Variants in OR2L13 observed in about 807,000 individuals in gnomAD.
OR2L13 encodes the protein olfactory receptor 2L13.
In OR2L13, 14 loss-of-function variants were observed where a neutral mutation model predicts 15.3. The ratio of observed to expected loss-of-function variants is 0.91; its 90% CI spans 0.60 to 1.43. The LOEUF (loss-of-function observed/expected upper bound fraction) is 1.43. OR2L13 is among the 40% of genes most tolerant of loss of function. The pLI, the probability that OR2L13 is intolerant of heterozygous loss-of-function variation, is 0.00. For missense variants in OR2L13, 367 were observed against 387.9 expected, an observed-to-expected ratio of 0.95 and a Z score of 0.45; for synonymous variants, 152 against 142.9, an observed-to-expected ratio of 1.06 and a Z score of -0.45.
chr1:248,090,492 A>G (rs1165110835), upstream of OR2L13, among the ~76,000 whole-genome samples: 3 of 152,058 alleles, frequency 2.0e-5, no homozygotes, highest in African/African-American at 7.2e-5. Context: ...CTGTGTGTCC[A>G]TGTGTACTTA....
chr1:248,060,927 TG>T, the OR2L13 span: 2 of 1,614,010 alleles, frequency 1.2e-6, no homozygotes, highest in South Asian at 2.2e-5. Context: ...AGATGGCATC[TG>T]ATTTTCTGTC....
chr1:247,968,815 G>C, the OR2L13 span, among the ~76,000 whole-genome samples: 1 of 152,006 alleles, frequency 6.6e-6, no homozygotes, highest in Non-Finnish European at 1.5e-5. Context: ...ACGTGTGCAT[G>C]TGTCTTTATA....
At chr1:248,088,271 A>T in the OR2L13 span, among the ~76,000 whole-genome samples, 6 of 152,192 alleles carry the variant, frequency 3.9e-5, no homozygotes, top group African/African-American at 1.2e-4. Flanking sequence ...TAAAAAAAAA[A>T]ATCTGAAGGT....
At chr1:248,090,796 G>A (rs1464192456), upstream of OR2L13, among the ~76,000 whole-genome samples, 1 of 152,130 alleles carries the variant, frequency 6.6e-6, no homozygotes, top group African/African-American at 2.4e-5. Context: ...CTTTGGGTAT[G>A]CAAGTAATAT....
the OR2L13 span, among the ~76,000 whole-genome samples, chr1:247,958,122 A>T: frequency 6.6e-6 from 1 of 152,102 alleles, no homozygotes; most frequent in African/African-American, 2.4e-5. Flanking sequence ...AATGTGTCCC[A>T]GAGATTCTGG....
At chr1:247,949,721 C>G in the OR2L13 span, 1 of 1,613,896 alleles carries the variant, frequency 6.2e-7, no homozygotes, top group Non-Finnish European at 8.5e-7. Context: ...ACCCCATCAT[C>G]TATAGCCTGA....
the OR2L13 span, among the ~76,000 whole-genome samples, chr1:247,986,978 T>G: frequency 3.0e-3 from 450 of 152,334 alleles, 6 homozygotes; most frequent in African/African-American, 0.01. Flanking sequence ...ATTGCTGTAA[T>G]CAACATTTTG....
the OR2L13 span, among the ~76,000 whole-genome samples, chr1:248,033,399 T>C: frequency 4.6e-5 from 7 of 152,014 alleles, no homozygotes; most frequent in Admixed American, 4.6e-4. Context: ...TATATGACAG[T>C]CTATTTCTTG....
chr1:247,970,334 A>G, the OR2L13 span, among the ~76,000 whole-genome samples: 1 of 150,852 alleles, frequency 6.6e-6, no homozygotes, highest in Non-Finnish European at 1.5e-5. Context: ...AACTTAAAGT[A>G]TAATAATAAT....
At chr1:247,996,296 T>C in the OR2L13 span, among the ~76,000 whole-genome samples, 1 of 151,852 alleles carries the variant, frequency 6.6e-6, no homozygotes, top group Non-Finnish European at 1.5e-5. Context: ...ACATAAATGC[T>C]TATCACCTGA....
chr1:247,939,755 C>T, the OR2L13 span: 1 of 151,988 alleles, frequency 6.6e-6, no homozygotes, highest in Non-Finnish European at 1.5e-5. Flanking sequence ...TTTTCAAAAC[C>T]CCAATAATAA....
the OR2L13 span, among the ~76,000 whole-genome samples, chr1:247,952,966 C>A: frequency 6.6e-6 from 1 of 152,118 alleles, no homozygotes; most frequent in Non-Finnish European, 1.5e-5. Context: ...CCTGTAGAGG[C>A]AATGGTAATC....
At chr1:247,965,523 T>G in the OR2L13 span, 1 of 1,613,326 alleles carries the variant, frequency 6.2e-7, no homozygotes, top group Non-Finnish European at 8.5e-7. Flanking sequence ...TCCACCTCAT[T>G]CGACTGAACA....
the OR2L13 span, among the ~76,000 whole-genome samples, chr1:247,968,639 C>G: frequency 6.6e-6 from 1 of 152,020 alleles, no homozygotes; most frequent in African/African-American, 2.4e-5. Flanking sequence ...ATGATGGTTT[C>G]CAGCTCCATC....
At chr1:247,981,961 T>G in the OR2L13 span, among the ~76,000 whole-genome samples, 5,290 of 150,812 alleles carry the variant, frequency 0.035, 289 homozygotes, top group African/African-American at 0.12. Flanking sequence ...GACTGCAGGC[T>G]CCCGCCACCA....
At chr1:247,979,734 C>T in the OR2L13 span, among the ~76,000 whole-genome samples, 3 of 152,098 alleles carry the variant, frequency 2.0e-5, no homozygotes, top group Admixed American at 6.5e-5. Flanking sequence ...CTTGTCTTCT[C>T]TGTTGGTCCC....
the OR2L13 span, among the ~76,000 whole-genome samples, chr1:247,972,043 C>T: frequency 1.3e-5 from 2 of 152,104 alleles, no homozygotes; most frequent in African/African-American, 4.8e-5. Flanking sequence ...GAAATTAAGG[C>T]TTAAATAAAT....
chr1:247,998,606 A>G, the OR2L13 span, among the ~76,000 whole-genome samples: 3 of 152,166 alleles, frequency 2.0e-5, no homozygotes, highest in Non-Finnish European at 4.4e-5. Context: ...AAAAACGTTA[A>G]AAGGGCATTA....
At chr1:248,038,364 A>C in the OR2L13 span, 17 of 1,612,770 alleles carry the variant, frequency 1.1e-5, no homozygotes, top group African/African-American at 1.3e-4. Flanking sequence ...CATTTTTCTC[A>C]TTTTCCTAAT....
Sources: gnomAD v4.1 joint callset for allele counts (sites outside exome capture counted in the v4.1 genomes callset) on GRCh38, gnomAD v4.1.1 for gene constraint, MANE v1.5 for transcripts, NCBI Gene and HGNC (gene_info 2026-07-23, HGNC 2026-07-21) for gene names.